Variants in CSRNP3 observed in about 807,000 individuals in gnomAD.
The protein encoded by CSRNP3 is cysteine and serine rich nuclear protein 3.
A neutral mutation model predicts 48.0 loss-of-function variants in CSRNP3; 12 were observed. That is an observed-to-expected ratio of 0.25 (90% CI 0.16 to 0.41). The LOEUF (loss-of-function observed/expected upper bound fraction) is 0.41. Ranked by LOEUF, CSRNP3 falls within the 10% of genes least tolerant of loss-of-function variation. CSRNP3 has a pLI of 1.00. For missense variants in CSRNP3, 580 were observed against 724.4 expected, an observed-to-expected ratio of 0.80 and a Z score of 2.29; for synonymous variants, 263 against 269.7, an observed-to-expected ratio of 0.98 and a Z score of 0.24.
chr2:165,605,947 C>G (rs1271402241), intron 4 of CSRNP3, among the ~76,000 whole-genome samples: 3 of 151,896 alleles, frequency 2.0e-5, no homozygotes, highest in African/African-American at 7.3e-5. Context: ...AGAATCAGAA[C>G]CACATTTAAA....
rs975411314 is a variant in CSRNP3, at chr2:165,687,186, C to T, written c.*7433C>T. 5.3e-5 allele frequency: 8 copies of T among 152,066 alleles called. No individual in the cohort carries two copies. Among genetic ancestry groups the T allele is most frequent in the African/African-American group, 1.9e-4 (8 of 41,402 alleles). 9.4% of individuals were successfully genotyped at this position (152,066 alleles called of 1,614,324 possible). On this transcript the variant is annotated 3_prime_UTR_variant, in exon 7 of 7. Transcript: ENST00000651982. ...TTCCCCCTACATTTGGTGATTATTA[C>T]ATTAATATATGATCATTCCATAAGT...
At chr2:165,643,617 T>A (rs1053584247) in intron 4 of CSRNP3, among the ~76,000 whole-genome samples, 1 of 152,200 alleles carries the variant, frequency 6.6e-6, no homozygotes, top group African/African-American at 2.4e-5. Flanking sequence ...AGGATAACTT[T>A]GAATCAGTCC....
intron 4 of CSRNP3, among the ~76,000 whole-genome samples, chr2:165,613,179 C>T (rs1175836948): frequency 6.6e-6 from 1 of 151,838 alleles, no homozygotes; most frequent in Non-Finnish European, 1.5e-5. Flanking sequence ...TTAGTGATGC[C>T]GAGCATTTTT....
intron 4 of CSRNP3, among the ~76,000 whole-genome samples, chr2:165,653,240 G>A (rs1686944265): frequency 6.6e-6 from 1 of 152,168 alleles, no homozygotes; most frequent in Non-Finnish European, 1.5e-5. Flanking sequence ...AATATCCCCT[G>A]TAAGGCTGAT....
In CSRNP3 at chr2:165,686,333, C is replaced by T. The variant is rs917895020; in HGVS notation, c.*6580C>T. Reference sequence around the variant, plus strand: ...TTGCTGTTGTCTCTACATAGGGGACCTATGGAAAAGGAGTTTGAAATTTCT... The same window carrying T: ...TTGCTGTTGTCTCTACATAGGGGACTTATGGAAAAGGAGTTTGAAATTTCT... On this transcript the variant is annotated 3_prime_UTR_variant, in exon 7 of 7. Coordinates refer to ENST00000651982, the MANE Select transcript of CSRNP3 (RefSeq NM_001172173.2). 1 of 151,928 alleles carries T rather than the reference C, an allele frequency of 6.6e-6. No individual in the cohort carries two copies. Among genetic ancestry groups the T allele is most frequent in the African/African-American group, 2.4e-5 (1 of 41,360 alleles). 9.4% of individuals were successfully genotyped at this position (151,928 alleles called of 1,614,324 possible). A position where few individuals can be genotyped will look rare whatever the true frequency, so the allele number is the denominator to read the frequency against.
At chr2:165,488,671 C>T (rs1684156844) in intron 1 of CSRNP3, among the ~76,000 whole-genome samples, 1 of 122,032 alleles carries the variant, frequency 8.2e-6, no homozygotes, top group Admixed American at 8.9e-5. Context: ...TACATGGAAA[C>T]TGAACAACCT....
intron 1 of CSRNP3, among the ~76,000 whole-genome samples, chr2:165,479,365 T>G (rs1477639046): frequency 6.6e-6 from 1 of 152,152 alleles, no homozygotes; most frequent in Non-Finnish European, 1.5e-5. Context: ...AATTATGATT[T>G]CAAGTGCCCA....
chr2:165,549,627 GAC>G (rs1208405095), intron 3 of CSRNP3, among the ~76,000 whole-genome samples: 1 of 152,040 alleles, frequency 6.6e-6, no homozygotes, highest in African/African-American at 2.4e-5. Flanking sequence ...ATCACTGAAA[GAC>G]ACTTCTCTTC....
rs1446410681 is a variant in CSRNP3, at chr2:165,684,848, A to C, written c.*5095A>C. On this transcript the variant is annotated 3_prime_UTR_variant, in exon 7 of 7. Coordinates refer to ENST00000651982, the MANE Select transcript of CSRNP3 (RefSeq NM_001172173.2). ...GGTGTCTTCTAGGAATTATGAAAAA[A>C]AAAGCTCAGCAGAGCTAAGCCAGAT... The C allele has an allele frequency of 6.6e-6, 1 of 152,068 alleles. No homozygotes were observed. The highest frequency in any genetic ancestry group is 6.6e-5 in the Admixed American group (1 of 15,224). The allele number at this position is 152,068 out of a possible 1,614,324, so 9.4% of individuals were successfully genotyped here. A position where few individuals can be genotyped will look rare whatever the true frequency, so the allele number is the denominator to read the frequency against.
intron 3 of CSRNP3, among the ~76,000 whole-genome samples, chr2:165,567,719 A>G (rs1351688996): frequency 6.6e-6 from 1 of 152,088 alleles, no homozygotes. Flanking sequence ...TTGCATAACT[A>G]AAACACATTT....
intron 3 of CSRNP3, among the ~76,000 whole-genome samples, chr2:165,567,617 T>G (rs1374690971): frequency 6.6e-6 from 1 of 152,106 alleles, no homozygotes; most frequent in Non-Finnish European, 1.5e-5. Flanking sequence ...GCTTGTTCAC[T>G]TCAATAGGTA....
intron 4 of CSRNP3, among the ~76,000 whole-genome samples, chr2:165,612,802 C>T (rs552859374): frequency 1.5e-4 from 22 of 151,710 alleles, no homozygotes; most frequent in African/African-American, 4.8e-4. Flanking sequence ...GTATATATAC[C>T]ACATTTTCTT....
At chr2:165,549,940 G>C (rs1404647010) in intron 3 of CSRNP3, among the ~76,000 whole-genome samples, 2 of 152,122 alleles carry the variant, frequency 1.3e-5, no homozygotes, top group Admixed American at 6.6e-5. Flanking sequence ...TCTGTAGTCT[G>C]TTGCACCTCA....
At chr2:165,639,973 A>G (rs1381800512) in intron 4 of CSRNP3, among the ~76,000 whole-genome samples, 1 of 152,202 alleles carries the variant, frequency 6.6e-6, no homozygotes, top group Non-Finnish European at 1.5e-5. Flanking sequence ...AGACCCCAAA[A>G]AAGTATTTAA....
intron 3 of CSRNP3, among the ~76,000 whole-genome samples, chr2:165,535,313 G>C (rs980070319): frequency 6.7e-6 from 1 of 149,392 alleles, no homozygotes; most frequent in Non-Finnish European, 1.5e-5. Context: ...ACTTTAGCTT[G>C]TTCTTTTTTT....
At chr2:165,599,249 AAAAG>A (rs1043496473) in intron 4 of CSRNP3, among the ~76,000 whole-genome samples, 6 of 145,724 alleles carry the variant, frequency 4.1e-5, no homozygotes, top group Non-Finnish European at 9.0e-5. Context: ...ACAAAAAACA[AAAAG>A]AAAGAAAGAA....
At chr2:165,614,774 A>T (rs944801190) in intron 4 of CSRNP3, among the ~76,000 whole-genome samples, 1 of 152,166 alleles carries the variant, frequency 6.6e-6, no homozygotes, top group Non-Finnish European at 1.5e-5. Context: ...CATTCATTTC[A>T]ATAACATTTT....
At position 165,675,574 on chromosome 2, in the gene CSRNP3, G is replaced by A. The variant is rs140254384; in HGVS notation, c.409-738G>A. ...AGACTAATCATGTGTATGTGAGACCGTTTCCACATGAGCTATTATGCAGAA... is the reference window on the plus strand; with the variant it reads ...AGACTAATCATGTGTATGTGAGACCATTTCCACATGAGCTATTATGCAGAA... On this transcript the variant is annotated intron_variant, in intron 5 of 6. Transcript: ENST00000651982. 5.3e-5 allele frequency among the ~76,000 whole-genome samples: 8 copies of A among 152,294 alleles called. No individual in the cohort carries two copies. The South Asian group carries it at 6.2e-4, about 12-fold the overall frequency.
At chr2:165,475,243 C>T (rs1388720807) in intron 1 of CSRNP3, among the ~76,000 whole-genome samples, 2 of 152,148 alleles carry the variant, frequency 1.3e-5, no homozygotes, top group Non-Finnish European at 2.9e-5. Context: ...TCTCGTTGCT[C>T]ATGAAACTCA....
Sources: allele counts gnomAD v4.1 joint callset (sites outside exome capture counted in the v4.1 genomes callset), GRCh38; gene constraint gnomAD v4.1.1; transcripts MANE v1.5; gene names NCBI Gene and HGNC (gene_info 2026-07-23, HGNC 2026-07-21).